Variants in SLC35F2 observed in about 807,000 individuals in gnomAD.
SLC35F2 encodes the protein solute carrier family 35 member F2.
Under a neutral mutation model 38.1 loss-of-function variants are expected in SLC35F2, and 25 were observed. That is an observed-to-expected ratio of 0.66 (90% CI 0.48 to 0.92). The LOEUF (loss-of-function observed/expected upper bound fraction) is 0.92, where lower values mean the gene tolerates loss of function less well. SLC35F2 is among the 40% of genes least tolerant of loss of function. The probability of loss-of-function intolerance (pLI) is 0.00; values close to 1 mark genes in which losing one functional copy is unlikely to be tolerated. For missense variants in SLC35F2, 409 were observed against 452.9 expected, an observed-to-expected ratio of 0.90 and a Z score of 0.88; for synonymous variants, 173 against 181.7, an observed-to-expected ratio of 0.95 and a Z score of 0.38.
At chr11:107,823,881 A>G in intron 1 of SLC35F2, 2 of 595,992 alleles carry the variant, frequency 3.4e-6, no homozygotes, top group Non-Finnish European at 4.2e-6. Context: ...GTGAGCCAAG[A>G]TCATGCCACT....
intron 1 of SLC35F2, among the ~76,000 whole-genome samples, chr11:107,850,989 G>C (rs1281425843): frequency 6.6e-6 from 1 of 151,938 alleles, no homozygotes; most frequent in Non-Finnish European, 1.5e-5. Flanking sequence ...CTTTAGCTGG[G>C]CGCGGTGGCT....
chr11:107,825,619 T>C (rs1394451883), intron 1 of SLC35F2, among the ~76,000 whole-genome samples: 2 of 151,974 alleles, frequency 1.3e-5, no homozygotes, highest in East Asian at 3.9e-4. Flanking sequence ...TCCGCCCACC[T>C]CGGCCCCCCA....
chr11:107,832,890 C>T (rs1322718663), intron 1 of SLC35F2, among the ~76,000 whole-genome samples: 1 of 152,140 alleles, frequency 6.6e-6, no homozygotes, highest in Non-Finnish European at 1.5e-5. Flanking sequence ...TTCCCCTCAA[C>T]TCCTCATGTT....
chr11:107,797,137 T>A (rs776384617), intron 7 of SLC35F2, among the ~76,000 whole-genome samples: 3 of 152,310 alleles, frequency 2.0e-5, no homozygotes, highest in Middle Eastern at 3.4e-3. Flanking sequence ...TAACAAAATG[T>A]CTTATGTATC....
At chr11:107,821,545 A>T (rs1368665151) in intron 1 of SLC35F2, 1 of 985,348 alleles carries the variant, frequency 1.0e-6, no homozygotes, top group Non-Finnish European at 1.2e-6. Flanking sequence ...CCTCAAAACA[A>T]TTTTTGTTAC....
At chr11:107,804,077 C>A (rs1219106664) in intron 6 of SLC35F2, among the ~76,000 whole-genome samples, 1 of 150,960 alleles carries the variant, frequency 6.6e-6, no homozygotes, top group Non-Finnish European at 1.5e-5. Flanking sequence ...ACCTCATGAT[C>A]CACCCACCTC....
At chr11:107,798,155 C>G (rs143491818) in intron 7 of SLC35F2, among the ~76,000 whole-genome samples, 1 of 152,036 alleles carries the variant, frequency 6.6e-6, no homozygotes, top group Non-Finnish European at 1.5e-5. Flanking sequence ...AGGTGCCCGC[C>G]ATCATGCCCA....
intron 4 of SLC35F2, among the ~76,000 whole-genome samples, chr11:107,806,111 T>C (rs1056852648): frequency 6.6e-6 from 1 of 152,196 alleles, no homozygotes; most frequent in Non-Finnish European, 1.5e-5. Context: ...AATCTCTTAC[T>C]CTTCTCACTT....
chr11:107,810,175 C>T, intron 3 of SLC35F2: 1 of 985,406 alleles, frequency 1.0e-6, no homozygotes, highest in Non-Finnish European at 1.2e-6. Flanking sequence ...AAAACATTAC[C>T]TTGTTAGATG....
At position 107,811,697 on chromosome 11, in the gene SLC35F2, G is replaced by A. The variant is rs761882735; in HGVS notation, c.384C>T (p.Ala128=). The change falls in exon 3 of 8, where the codon GCC becomes GCT. Residue 128 remains alanine (A), a synonymous_variant. Transcript: ENST00000525815. ...CACTGGTTAGAGTTGTGTACTGGTA[G>A]GCTCTGACGATCACATAATTAGCTT... ...DVEANYVIVR[A]YQYTTLTSVQ... 5 of 1,613,958 alleles carry A rather than the reference G, an allele frequency of 3.1e-6. No individual in the cohort carries two copies. In the South Asian group the frequency reaches 3.3e-5, roughly 11 times the overall value.
chr11:107,839,767 C>A (rs1404797618), intron 1 of SLC35F2, among the ~76,000 whole-genome samples: 1 of 152,054 alleles, frequency 6.6e-6, no homozygotes. Flanking sequence ...GATTCTCTTG[C>A]CTCAGCCTCC....
At chr11:107,842,534 T>A (rs1454364767) in intron 1 of SLC35F2, among the ~76,000 whole-genome samples, 5 of 151,810 alleles carry the variant, frequency 3.3e-5, no homozygotes, top group South Asian at 2.1e-4. Context: ...AAAAATAAAA[T>A]TTTTTAATAC....
At chr11:107,793,373 G>A (rs142650525) in intron 7 of SLC35F2, among the ~76,000 whole-genome samples, 1 of 152,248 alleles carries the variant, frequency 6.6e-6, no homozygotes, top group Non-Finnish European at 1.5e-5. Context: ...GCTTTTCTCT[G>A]TCATAATCCA....
chr11:107,814,459 CA>C (rs34742139), intron 2 of SLC35F2, among the ~76,000 whole-genome samples: 2,826 of 109,870 alleles, frequency 0.026, 38 homozygotes, highest in South Asian at 0.1. Flanking sequence ...GACTCTGCCT[CA>C]AAAAAAAAAA....
In SLC35F2 at chr11:107,828,832, C is replaced by T. The variant is rs537388587; in HGVS notation, c.111-12867G>A. ...ATGCTGAAACTTAATCCCGGCCGGG[C>T]GCAGTGACTCATGCCTGTAATCCCA... On this transcript the variant is annotated intron_variant, in intron 1 of 7. Coordinates refer to ENST00000525815, the MANE Select transcript of SLC35F2 (RefSeq NM_017515.5). Among the ~76,000 whole-genome samples the T allele has an allele frequency of 7.9e-5, 12 of 152,226 alleles. No homozygotes were observed. The South Asian group carries it at 1.0e-3, about 13-fold the overall frequency.
intron 1 of SLC35F2, among the ~76,000 whole-genome samples, chr11:107,826,401 C>CGTCCAACCAATTTTGTATTTTTAGTA (rs1859756123): frequency 6.6e-6 from 1 of 151,984 alleles, no homozygotes; most frequent in African/African-American, 2.4e-5. Flanking sequence ...TGTGCCACCA[C>CGTCCAACCAATTTTGTATTTTTAGTA]GTCCAACCAA....
At chr11:107,838,627 CTTT>C (rs71047631) in intron 1 of SLC35F2, among the ~76,000 whole-genome samples, 4,421 of 108,546 alleles carry the variant, frequency 0.041, 312 homozygotes, top group African/African-American at 0.16. Context: ...GCCCGGCCCT[CTTT>C]TTTTTTTTTT....
rs534560562 is a variant in SLC35F2, at chr11:107,811,006, G to T, written c.414+661C>A. The T allele has an allele frequency of 7.1e-6, 7 of 984,728 alleles. No homozygotes were observed. The Admixed American group carries it at 3.1e-4, about 43-fold the overall frequency. 61.0% of individuals were successfully genotyped at this position (984,728 alleles called of 1,614,324 possible). A position where few individuals can be genotyped will look rare whatever the true frequency, so the allele number is the denominator to read the frequency against. On this transcript the variant is annotated intron_variant, in intron 3 of 7. Coordinates refer to ENST00000525815, the MANE Select transcript of SLC35F2 (RefSeq NM_017515.5). The stretch of plus-strand genomic sequence containing the variant: ...TAAACAAACTGTGACATCTAAACCT[G>T]GCATTTGAGTCTATCTCACTTTCAC...
chr11:107,804,157 G>A (rs1195993743), intron 6 of SLC35F2, among the ~76,000 whole-genome samples: 4 of 151,978 alleles, frequency 2.6e-5, no homozygotes, highest in Admixed American at 1.3e-4. Context: ...TTATTTAATT[G>A]AATTAAATTA....
Sources: gnomAD v4.1 joint callset for allele counts (sites outside exome capture counted in the v4.1 genomes callset) on GRCh38, gnomAD v4.1.1 for gene constraint, MANE v1.5 for transcripts, NCBI Gene and HGNC (gene_info 2026-07-23, HGNC 2026-07-21) for gene names.